Variants in L3MBTL4 observed in about 807,000 individuals in gnomAD.
L3MBTL4 encodes L3MBTL histone methyl-lysine binding protein 4, also known as lethal(3)malignant brain tumor-like protein 4.
In L3MBTL4, 70 loss-of-function variants were observed where a neutral mutation model predicts 84.5. The ratio of observed to expected loss-of-function variants is 0.83; its 90% CI spans 0.68 to 1.01. The LOEUF is 1.01. Among genes scored for constraint, L3MBTL4 ranks in the 50% least tolerant of loss-of-function variants. L3MBTL4 has a pLI of 0.00. For synonymous variants in L3MBTL4, 274 were observed against 259.8 expected (o/e 1.05, Z -0.52); for missense variants, 715 against 754.8 (o/e 0.95, Z 0.62).
At chr18:6,246,438 C>A (rs984499931) in intron 5 of L3MBTL4, among the ~76,000 whole-genome samples, 9 of 152,154 alleles carry the variant, frequency 5.9e-5, no homozygotes, top group Non-Finnish European at 1.2e-4. Flanking sequence ...AACAGATTCA[C>A]CATTACTAGT....
intron 14 of L3MBTL4, among the ~76,000 whole-genome samples, chr18:6,133,751 A>C (rs1049368329): frequency 3.9e-5 from 6 of 152,118 alleles, no homozygotes; most frequent in East Asian, 1.9e-4. Context: ...GTGCCAGGGA[A>C]AGGCAGCCTC....
chr18:5,967,877 G>T (rs1193477103), intron 17 of L3MBTL4, among the ~76,000 whole-genome samples: 2 of 152,266 alleles, frequency 1.3e-5, no homozygotes, highest in South Asian at 2.1e-4. Context: ...AAGGGGACTT[G>T]TGAAGGGCGC....
chr18:6,382,553 T>C (rs1203171694), intron 1 of L3MBTL4, among the ~76,000 whole-genome samples: 1 of 152,256 alleles, frequency 6.6e-6, no homozygotes, highest in Non-Finnish European at 1.5e-5. Flanking sequence ...TTAGTTTTCC[T>C]TCTAACAGTC....
intron 5 of L3MBTL4, among the ~76,000 whole-genome samples, chr18:6,247,662 T>G (rs1361539012): frequency 5.5e-5 from 8 of 146,396 alleles, no homozygotes; most frequent in Middle Eastern, 3.3e-3. Flanking sequence ...TTTTTTTTTT[T>G]TTGTATTTTT....
intron 16 of L3MBTL4, chr18:6,046,892 T>C (rs558309743): frequency 1.6e-4 from 89 of 566,856 alleles, no homozygotes; most frequent in African/African-American, 1.2e-3. Flanking sequence ...AAGAAAAGAA[T>C]TGACTAAAAT....
At chr18:6,318,309 T>G (rs442703) in intron 1 of L3MBTL4, among the ~76,000 whole-genome samples, 28,183 of 151,514 alleles carry the variant, frequency 0.19, 2,719 homozygotes, top group African/African-American at 0.22. Context: ...AAGATACAGA[T>G]TGGCAGAATG....
At chr18:6,091,943 C>G (rs2058473671) in intron 15 of L3MBTL4, among the ~76,000 whole-genome samples, 1 of 152,194 alleles carries the variant, frequency 6.6e-6, no homozygotes, top group Non-Finnish European at 1.5e-5. Context: ...AAAAAATTCT[C>G]TCTCAATTAG....
Position 6,264,022 on chromosome 18 carries a change from T to C in L3MBTL4, c.144A>G (p.Ala48=). 6.2e-7 allele frequency: 1 copy of C among 1,612,748 alleles called. No homozygotes were observed. Among genetic ancestry groups the C allele is most frequent in the Non-Finnish European group, 8.5e-7 (1 of 1,178,696 alleles). Residue 48 remains alanine, a synonymous_variant, in exon 5 of 19, where the codon GCA becomes GCG. Transcript: ENST00000317931. ...TPLSHVPSAA[A]QGAWSWEWYL... is the part of the protein sequence containing the mutation. ...ACCACTCCCAAGACCATGCTCCCTG[T>C]GCAGCCGCTGAAGGGACTGGAAGAG...
chr18:6,025,635 C>T (rs1031142817), intron 16 of L3MBTL4, among the ~76,000 whole-genome samples: 22 of 152,082 alleles, frequency 1.4e-4, no homozygotes, highest in Admixed American at 4.6e-4. Flanking sequence ...GCACCAGGGA[C>T]CAGATTCGTG....
chr18:6,126,541 T>C (rs1416357744), intron 14 of L3MBTL4, among the ~76,000 whole-genome samples: 1 of 152,200 alleles, frequency 6.6e-6, no homozygotes, highest in Non-Finnish European at 1.5e-5. Context: ...ATAAAATCCT[T>C]AGAATGTATC....
intron 4 of L3MBTL4, among the ~76,000 whole-genome samples, chr18:6,268,266 G>A (rs116568414): frequency 0.013 from 1,914 of 152,224 alleles, 38 homozygotes; most frequent in African/African-American, 0.043. Flanking sequence ...AATTAGCCGG[G>A]CATAGTGACA....
intron 16 of L3MBTL4, among the ~76,000 whole-genome samples, chr18:5,993,985 C>T (rs1383601342): frequency 6.6e-6 from 1 of 152,058 alleles, no homozygotes; most frequent in African/African-American, 2.4e-5. Flanking sequence ...AACAACGGTC[C>T]CAAACAAAAT....
At chr18:6,168,543 T>A (rs1263854358) in intron 13 of L3MBTL4, among the ~76,000 whole-genome samples, 1 of 152,180 alleles carries the variant, frequency 6.6e-6, no homozygotes, top group Non-Finnish European at 1.5e-5. Context: ...AACTATCTGA[T>A]CTTTGACAAA....
intron 16 of L3MBTL4, among the ~76,000 whole-genome samples, chr18:6,055,507 CTGAT>C (rs1160234192): frequency 2.0e-5 from 3 of 152,114 alleles, no homozygotes; most frequent in Admixed American, 1.3e-4. Flanking sequence ...GATTGATTGA[CTGAT>C]TGATTTTTTT....
intron 18 of L3MBTL4, among the ~76,000 whole-genome samples, chr18:5,959,091 G>A (rs941225701): frequency 4.6e-5 from 7 of 152,154 alleles, no homozygotes; most frequent in African/African-American, 1.4e-4. Flanking sequence ...TACTGTGCTC[G>A]GAGGGGTCCA....
intron 10 of L3MBTL4, among the ~76,000 whole-genome samples, 176 bp from the exon 11 acceptor site, chr18:6,216,011 C>T (rs1048187765): frequency 6.6e-6 from 1 of 152,136 alleles, no homozygotes; most frequent in African/African-American, 2.4e-5. Context: ...TCTGAGAAGG[C>T]AAAGGCATGC....
chr18:6,084,510 T>C (rs1193148743), intron 15 of L3MBTL4, among the ~76,000 whole-genome samples: 1 of 152,176 alleles, frequency 6.6e-6, no homozygotes, highest in Admixed American at 6.6e-5. Context: ...AATAACTGTG[T>C]TTAGTTATAA....
At chr18:6,321,695 C>T (rs1268741993) in intron 1 of L3MBTL4, among the ~76,000 whole-genome samples, 1 of 152,124 alleles carries the variant, frequency 6.6e-6, no homozygotes, top group Non-Finnish European at 1.5e-5. Context: ...GGTATATATA[C>T]ACCATGGAAT....
At chr18:6,296,810 G>T (rs952047645) in intron 4 of L3MBTL4, among the ~76,000 whole-genome samples, 1 of 152,134 alleles carries the variant, frequency 6.6e-6, no homozygotes, top group Non-Finnish European at 1.5e-5. Flanking sequence ...ATCAAAGGTG[G>T]GGAGACATTA....
Sources: allele counts gnomAD v4.1 joint callset (sites outside exome capture counted in the v4.1 genomes callset), GRCh38; gene constraint gnomAD v4.1.1; transcripts MANE v1.5; gene names NCBI Gene and HGNC (gene_info 2026-07-23, HGNC 2026-07-21).